ERC2: variants seen among roughly 807,000 people sequenced by gnomAD.
ERC2 encodes ELKS/RAB6-interacting/CAST family member 2.
In ERC2, 42 loss-of-function variants were observed where a neutral mutation model predicts 114.8. The ratio of observed to expected loss-of-function variants is 0.37; its 90% CI spans 0.29 to 0.47. ERC2 has a LOEUF of 0.47. Ranked by LOEUF, ERC2 falls within the 20% of genes least tolerant of loss-of-function variation. The pLI is 0.99. For missense variants in ERC2, 939 were observed against 1,150.7 expected, an observed-to-expected ratio of 0.82 and a Z score of 2.66; for synonymous variants, 454 against 425.5, an observed-to-expected ratio of 1.07 and a Z score of -0.82.
chr3:56,059,406 T>C (rs13095784), intron 7 of ERC2, among the ~76,000 whole-genome samples: 6 of 152,176 alleles, frequency 3.9e-5, no homozygotes, highest in African/African-American at 1.4e-4. Flanking sequence ...GATATTTATA[T>C]GCACAGATAA....
At chr3:55,683,928 T>TA in intron 16 of ERC2, 69 bp from the exon 17 acceptor site, 1 of 1,549,810 alleles carries the variant, frequency 6.5e-7, no homozygotes, top group East Asian at 2.3e-5. Context: ...AAGAGAAGGT[T>TA]AGTTACACCG....
chr3:55,602,915 A>G (rs532683383), intron 17 of ERC2, among the ~76,000 whole-genome samples: 2 of 152,292 alleles, frequency 1.3e-5, no homozygotes, highest in African/African-American at 4.8e-5. Context: ...TATTTGCTAA[A>G]TCCTGCCCAG....
intron 10 of ERC2, chr3:56,003,058 G>T: frequency 7.8e-7 from 1 of 1,273,948 alleles, no homozygotes; most frequent in Non-Finnish European, 1.0e-6. Flanking sequence ...GGATCCTCAT[G>T]CTTTGATATG....
intron 17 of ERC2, among the ~76,000 whole-genome samples, chr3:55,608,814 C>T (rs1012985790): frequency 2.0e-5 from 3 of 152,154 alleles, no homozygotes; most frequent in Non-Finnish European, 4.4e-5. Flanking sequence ...TCATTGACCT[C>T]AGAGGATTTC....
At chr3:56,105,565 G>A (rs1457597092) in intron 6 of ERC2, among the ~76,000 whole-genome samples, 3 of 152,030 alleles carry the variant, frequency 2.0e-5, no homozygotes, top group Admixed American at 6.6e-5. Context: ...ATCCTCCCAC[G>A]TCAACTTTCC....
intron 7 of ERC2, among the ~76,000 whole-genome samples, chr3:56,036,600 G>A (rs533793378): frequency 6.0e-4 from 92 of 152,244 alleles, no homozygotes; most frequent in African/African-American, 2.2e-3. Context: ...CTGACTAGGC[G>A]GTTGGTGCAA....
intron 10 of ERC2, among the ~76,000 whole-genome samples, chr3:55,997,900 T>G (rs1429910630): frequency 1.2e-3 from 62 of 53,278 alleles, no homozygotes; most frequent in South Asian, 3.9e-3. Context: ...TTTTTTTTTT[T>G]TTTTTTTGTG....
chr3:55,830,500 T>C (rs2060521478), intron 14 of ERC2, among the ~76,000 whole-genome samples: 1 of 152,228 alleles, frequency 6.6e-6, no homozygotes, highest in South Asian at 2.1e-4. Context: ...GGGGTTTCAA[T>C]GTACATATAT....
chr3:55,988,218 G>A (rs779222833), intron 11 of ERC2, among the ~76,000 whole-genome samples: 2 of 152,134 alleles, frequency 1.3e-5, no homozygotes, highest in African/African-American at 2.4e-5. Flanking sequence ...TGTAATATAC[G>A]TGACATCTGA....
intron 17 of ERC2, among the ~76,000 whole-genome samples, chr3:55,639,671 C>T (rs1428139539): frequency 1.3e-5 from 2 of 152,156 alleles, no homozygotes; most frequent in African/African-American, 4.8e-5. Context: ...TGGCTGATTT[C>T]GATCCTTATA....
At chr3:56,055,044 A>G (rs2075952736) in intron 7 of ERC2, among the ~76,000 whole-genome samples, 1 of 152,196 alleles carries the variant, frequency 6.6e-6, no homozygotes, top group South Asian at 2.1e-4. Context: ...TGCAGCATTC[A>G]TTACCTCAGG....
At chr3:56,346,363 T>C (rs1232828246) in intron 2 of ERC2, among the ~76,000 whole-genome samples, 1 of 152,184 alleles carries the variant, frequency 6.6e-6, no homozygotes, top group Non-Finnish European at 1.5e-5. Flanking sequence ...ATATTTATCA[T>C]ATCACACCAT....
At chr3:56,240,389 T>C (rs969917993) in intron 3 of ERC2, among the ~76,000 whole-genome samples, 6 of 152,224 alleles carry the variant, frequency 3.9e-5, no homozygotes, top group African/African-American at 1.4e-4. Context: ...GGACTGAAGA[T>C]AGTAATTTTT....
intron 15 of ERC2, among the ~76,000 whole-genome samples, chr3:55,715,368 G>C (rs1576278631): frequency 6.6e-6 from 1 of 152,128 alleles, no homozygotes; most frequent in African/African-American, 2.4e-5. Context: ...TTCAAGTTGA[G>C]AGAGTTAATA....
intron 2 of ERC2, among the ~76,000 whole-genome samples, chr3:56,403,502 A>C (rs915996072): frequency 6.6e-6 from 1 of 152,206 alleles, no homozygotes; most frequent in Admixed American, 6.5e-5. Context: ...GCAGTGTTCC[A>C]TTGGACAGAG....
chr3:56,173,207 C>A (rs952891736), intron 4 of ERC2, among the ~76,000 whole-genome samples: 2 of 152,054 alleles, frequency 1.3e-5, no homozygotes, highest in Non-Finnish European at 2.9e-5. Flanking sequence ...AAAAGGAACC[C>A]AGCTCCTTTC....
intron 14 of ERC2, among the ~76,000 whole-genome samples, chr3:55,799,517 T>C (rs2070870033): frequency 7.0e-6 from 1 of 143,198 alleles, no homozygotes; most frequent in Admixed American, 7.0e-5. Context: ...TCACCTCCAA[T>C]CATGGGACAC....
intron 13 of ERC2, among the ~76,000 whole-genome samples, chr3:55,901,314 T>G (rs1338885136): frequency 1.3e-5 from 2 of 152,216 alleles, no homozygotes; most frequent in African/African-American, 4.8e-5. Context: ...GTCAGAAGTC[T>G]AGGCAAGGTG....
chr3:55,875,722 ACACTCT>A (rs1208748850), intron 14 of ERC2, among the ~76,000 whole-genome samples: 1,459 of 143,652 alleles, frequency 0.01, 20 homozygotes, highest in African/African-American at 0.036. Context: ...ACACACACAC[ACACTCT>A]CTCTCTCTCA....
Sources: gnomAD v4.1 joint callset for allele counts (sites outside exome capture counted in the v4.1 genomes callset) on GRCh38, gnomAD v4.1.1 for gene constraint, MANE v1.5 for transcripts, NCBI Gene and HGNC (gene_info 2026-07-23, HGNC 2026-07-21) for gene names.